HDGF: variants seen among roughly 807,000 people sequenced by gnomAD.
HDGF encodes the protein hepatoma-derived growth factor.
HDGF carries 5 observed loss-of-function variants against 30.0 expected under a neutral mutation model. That is an observed-to-expected ratio of 0.17 (90% confidence interval 0.09 to 0.35). The LOEUF (loss-of-function observed/expected upper bound fraction) is 0.35, where lower values mean the gene tolerates loss of function less well. Among genes scored for constraint, HDGF ranks in the 10% least tolerant of loss-of-function variants. The pLI is 1.00. For missense variants in HDGF, 214 were observed against 302.8 expected (o/e 0.71, Z 2.18); for synonymous variants, 133 against 112.7 (o/e 1.18, Z -1.14).
chr1:156,756,869 T>C (rs571108111), upstream of HDGF, among the ~76,000 whole-genome samples: 6 of 148,936 alleles, frequency 4.0e-5, no homozygotes, highest in African/African-American at 1.5e-4. Flanking sequence ...CTCAGCTCAC[T>C]GCAACCTCCA....
At chr1:156,756,251 CAATAAATA>C (rs538566857), upstream of HDGF, among the ~76,000 whole-genome samples, 8 of 151,722 alleles carry the variant, frequency 5.3e-5, no homozygotes, top group African/African-American at 1.5e-4. Flanking sequence ...GACTAGGTCT[CAATAAATA>C]AATAAATAAA....
chr1:156,750,288 C>G (rs984497486), intron 1 of HDGF, among the ~76,000 whole-genome samples: 2 of 152,146 alleles, frequency 1.3e-5, no homozygotes, highest in African/African-American at 4.8e-5. Flanking sequence ...CGCCCAAAAC[C>G]AAAGGCCCCT....
chr1:156,744,281 T>A lies in HDGF; in HGVS notation c.371A>T (p.Asp124Val). ...PEPEAAEGDG[D>V]KKGNAEGSSD... ...GCTGCCCTCTGCATTCCCCTTCTTA[T>A]CACCGTCACCCTCTGCAGCTTCGGG... Residue 124 changes from aspartate (D) to valine (V), a missense_variant, in exon 4 of 6, where the codon GAT becomes GTT. Asp to Val is a radical substitution (Grantham distance 152). Around this residue, in one of 2 missense-constraint regions of HDGF, gnomAD observed 176 missense variants for 211.7 expected, o/e 0.83. Transcript: ENST00000357325. 6.2e-7 allele frequency: 1 copy of A among 1,614,172 alleles called. No individual in the cohort carries two copies. The highest frequency in any genetic ancestry group is 8.5e-7 in the Non-Finnish European group (1 of 1,180,028).
At chr1:156,759,615 G>A (rs1400743582) in intron 1 of HDGF, among the ~76,000 whole-genome samples, 1 of 151,628 alleles carries the variant, frequency 6.6e-6, no homozygotes, top group Non-Finnish European at 1.5e-5. Context: ...CTGAGTAGCT[G>A]GAATTACAGG....
upstream of HDGF, among the ~76,000 whole-genome samples, chr1:156,754,948 C>T (rs1403464686): frequency 6.6e-6 from 1 of 152,152 alleles, no homozygotes; most frequent in Non-Finnish European, 1.5e-5. Flanking sequence ...ACCTCCGTCT[C>T]AAAAACAAAA....
chr1:156,744,917 G>T (rs1024501965), intron 3 of HDGF, 91 bp downstream of exon 3: 2 of 1,472,446 alleles, frequency 1.4e-6, no homozygotes, highest in East Asian at 2.3e-5. Flanking sequence ...TGGAGTTTCT[G>T]AAGACTAAGC....
In HDGF at chr1:156,744,210, T is replaced by C. The variant is rs772230975; in HGVS notation, c.442A>G (p.Lys148Glu). ...CTCTTCAACGCTCCTTTCTCGTTCT[T>C]CTCCTTGGCTGGCTCATCAATGACC... ...KLVIDEPAKE[K>E]NEKGALKRRA... Residue 148 changes from lysine (K) to glutamate (E), a missense_variant, in exon 4 of 6, where the codon AAG becomes GAG. This residue lies in a region of HDGF where 176 missense variants were observed against 211.7 expected (regional missense o/e 0.83). Transcript: ENST00000357325. The C allele has an allele frequency of 6.2e-7, 1 of 1,614,100 alleles. No individual in the cohort carries two copies. Among genetic ancestry groups the C allele is most frequent in the Non-Finnish European group, 8.5e-7 (1 of 1,180,024 alleles).
Position 156,744,284 on chromosome 1 carries a change from C to A in HDGF, c.368G>T (p.Gly123Val). ...EPEPEAAEGD[G>V]DKKGNAEGSS... is the part of the protein sequence containing the mutation. ...GCCCTCTGCATTCCCCTTCTTATCA[C>A]CGTCACCCTCTGCAGCTTCGGGCTC... The change falls in exon 4 of 6, where the codon GGT becomes GTT. Residue 123 changes from glycine to valine, a missense_variant. Coordinates refer to ENST00000357325, the MANE Select transcript of HDGF (RefSeq NM_004494.3). The A allele has an allele frequency of 6.2e-7, 1 of 1,614,172 alleles. No individual in the cohort carries two copies. The highest frequency in any genetic ancestry group is 8.5e-7 in the Non-Finnish European group (1 of 1,180,014).
chr1:156,749,539 A>G (rs1650824177), intron 1 of HDGF, among the ~76,000 whole-genome samples: 1 of 152,098 alleles, frequency 6.6e-6, no homozygotes, highest in African/African-American at 2.4e-5. Context: ...CCCCAGTTCT[A>G]ACTTTATCTA....
rs764097512 is a variant in HDGF at position 156,745,277 on chromosome 1, C to A, written c.164+20G>T. 8 of 1,613,036 alleles carry A rather than the reference C, an allele frequency of 5.0e-6. No individual in the cohort carries two copies. The Admixed American group carries it at 6.7e-5, about 13-fold the overall frequency. ...CCTCCCGGGGCCCTCCCGACCTATA[C>A]CCCTTTGGCCTCCACTCACGTCTCG... On this transcript the variant is annotated intron_variant, in intron 2 of 5. Coordinates refer to ENST00000357325, the MANE Select transcript of HDGF (RefSeq NM_004494.3).
intron 1 of HDGF, among the ~76,000 whole-genome samples, chr1:156,760,774 G>A (rs1246547992): frequency 6.6e-6 from 1 of 151,716 alleles, no homozygotes; most frequent in East Asian, 1.9e-4. Flanking sequence ...CATCATTCCA[G>A]TTTGTAAGCT....
upstream of HDGF, chr1:156,751,937 T>C: frequency 8.8e-7 from 1 of 1,137,538 alleles, no homozygotes; most frequent in Non-Finnish European, 1.2e-6. The surrounding 1 kb of genome is among the most constrained non-coding windows in gnomAD (Gnocchi z 4.7). Context: ...GAGCAGGCTT[T>C]GTGTGCCCGC....
At chr1:156,746,171 T>C (rs1356358509) in intron 1 of HDGF, among the ~76,000 whole-genome samples, 1 of 152,230 alleles carries the variant, frequency 6.6e-6, no homozygotes, top group Non-Finnish European at 1.5e-5. Flanking sequence ...AGACTTCCCC[T>C]TTACAGTGCT....
At chr1:156,758,192 G>A (rs1651183405) in intron 2 of HDGF, among the ~76,000 whole-genome samples, 1 of 152,164 alleles carries the variant, frequency 6.6e-6, no homozygotes, top group Non-Finnish European at 1.5e-5. Context: ...TAGCTAGTCA[G>A]AAGGCTGAGA....
At chr1:156,763,072 G>A (rs953423030) in intron 1 of HDGF, among the ~76,000 whole-genome samples, 2 of 152,046 alleles carry the variant, frequency 1.3e-5, no homozygotes, top group African/African-American at 4.8e-5. Flanking sequence ...TTACTGTGTT[G>A]TCTTCTCTTC....
intron 1 of HDGF, among the ~76,000 whole-genome samples, chr1:156,749,152 C>T (rs1235964229): frequency 6.6e-6 from 1 of 152,232 alleles, no homozygotes; most frequent in African/African-American, 2.4e-5. Context: ...GGCTCTCTCT[C>T]AAGCACTGGG....
upstream of HDGF, chr1:156,752,343 T>C: frequency 6.4e-7 from 1 of 1,551,710 alleles, no homozygotes; most frequent in Non-Finnish European, 8.7e-7. Context: ...GAGGCACAAA[T>C]TGGCCACCTT....
chr1:156,752,076 C>T (rs1651022429), upstream of HDGF: 1 of 1,551,584 alleles, frequency 6.4e-7, no homozygotes, highest in Admixed American at 2.0e-5. Flanking sequence ...GACGTCTGTA[C>T]ACGGTTTCCG....
intron 1 of HDGF, among the ~76,000 whole-genome samples, chr1:156,761,331 G>T (rs763707268): frequency 6.7e-6 from 1 of 150,352 alleles, no homozygotes; most frequent in Non-Finnish European, 1.5e-5. Flanking sequence ...AAATAAGGCC[G>T]GGCGCAGTAG....
Sources: allele counts gnomAD v4.1 joint callset (sites outside exome capture counted in the v4.1 genomes callset), GRCh38; gene constraint gnomAD v4.1.1; regional missense constraint gnomAD v4.1.1; non-coding constraint Gnocchi (gnomAD v3.1); transcripts MANE v1.5; gene names NCBI Gene and HGNC (gene_info 2026-07-23, HGNC 2026-07-21).